CPEB4: variants seen among roughly 807,000 people sequenced by gnomAD.
The protein encoded by CPEB4 is cytoplasmic polyadenylation element-binding protein 4.
Under a neutral mutation model 72.5 loss-of-function variants are expected in CPEB4, and 12 were observed. That is an observed-to-expected ratio of 0.17 (90% CI 0.11 to 0.27). CPEB4 has a LOEUF of 0.27. Among genes scored for constraint, CPEB4 ranks in the 10% least tolerant of loss-of-function variants. CPEB4 has a pLI of 1.00. For missense variants in CPEB4, 614 were observed against 908.5 expected (o/e 0.68, Z 4.17); for synonymous variants, 302 against 326.3 (o/e 0.93, Z 0.80).
intron 1 of CPEB4, among the ~76,000 whole-genome samples, chr5:173,902,708 T>G (rs894708153): frequency 1.3e-5 from 2 of 152,222 alleles, no homozygotes; most frequent in Non-Finnish European, 2.9e-5. Flanking sequence ...CCTTGCAGGT[T>G]TCTAATCATG....
chr5:173,947,717 C>T (rs887747671), intron 5 of CPEB4, among the ~76,000 whole-genome samples: 4 of 152,150 alleles, frequency 2.6e-5, no homozygotes, highest in Middle Eastern at 6.8e-3. Context: ...TGTGTTTGGG[C>T]GTGTATTTCT....
chr5:173,947,899 C>T (rs562258648), intron 5 of CPEB4, among the ~76,000 whole-genome samples: 6 of 152,134 alleles, frequency 3.9e-5, no homozygotes, highest in South Asian at 4.2e-4. Context: ...AAGAATAAGA[C>T]GAGCCCGGAG....
intron 1 of CPEB4, among the ~76,000 whole-genome samples, chr5:173,901,028 A>G (rs1424912851): frequency 3.3e-5 from 5 of 152,204 alleles, no homozygotes; most frequent in Admixed American, 3.3e-4. Context: ...CAAGATTAGT[A>G]TGAACAAATT....
Position 173,956,139 on chromosome 5 carries a change from G to T in CPEB4, c.*2G>T. On this transcript the variant is annotated 3_prime_UTR_variant, in exon 10 of 10. Transcript: ENST00000265085. ...CATATTTCATTCCGCTGGAACTAAA[G>T]GATAACTGCAGTGCTCATTTTCAGG... 1 of 1,612,326 alleles carries T rather than the reference G, an allele frequency of 6.2e-7. No homozygotes were observed.
chr5:173,948,543 A>G (rs1302345515), intron 5 of CPEB4, among the ~76,000 whole-genome samples: 2 of 152,128 alleles, frequency 1.3e-5, no homozygotes, highest in Non-Finnish European at 1.5e-5. Flanking sequence ...ATGGCATTGC[A>G]CCATTATGGT....
intron 2 of CPEB4, among the ~76,000 whole-genome samples, chr5:173,927,887 G>A (rs939071906): frequency 1.3e-5 from 2 of 152,164 alleles, no homozygotes; most frequent in African/African-American, 4.8e-5. Context: ...TCAAAACTTG[G>A]AAAAACCAAG....
In CPEB4 at chr5:173,890,480, A is replaced by G. The variant is rs376518191; in HGVS notation, c.747A>G (p.Gln249=). 1 of 1,611,632 alleles carries G rather than the reference A, an allele frequency of 6.2e-7. No homozygotes were observed. The highest frequency in any genetic ancestry group is 1.3e-5 in the African/African-American group (1 of 74,864). ...ATCATCACAGCCAGCATCAGCAGCA[A>G]AGGAGGTCTCCTGCCAGTCCCCATC... The part of the protein sequence containing the change: ...FQHHHSQHQQ[Q]RRSPASPHPP... Residue 249 remains glutamine (Q), a synonymous_variant, in exon 1 of 10, where the codon CAA becomes CAG. Transcript: ENST00000265085.
intron 1 of CPEB4, among the ~76,000 whole-genome samples, chr5:173,896,377 C>G (rs540089125): frequency 6.6e-6 from 1 of 152,242 alleles, no homozygotes; most frequent in East Asian, 1.9e-4. Flanking sequence ...TTTTAAAATT[C>G]AAATTTATTG....
intron 5 of CPEB4, among the ~76,000 whole-genome samples, chr5:173,947,612 A>T (rs144247237): frequency 1.3e-5 from 2 of 152,284 alleles, no homozygotes; most frequent in East Asian, 3.9e-4. Context: ...GAAGGCTAGA[A>T]AAACCCATGA....
Position 173,888,423 on chromosome 5 carries a change from G to GGCGGCGGCGGCA in CPEB4, c.-1303_-1302insGGCAGCGGCGGC. On this transcript the variant is annotated 5_prime_UTR_variant, in exon 1 of 10. Coordinates refer to ENST00000265085, the MANE Select transcript of CPEB4 (RefSeq NM_030627.4). This position sits in a 1 kb window ranked among gnomAD's most constrained non-coding sequence, Gnocchi z 4.3. ...GGCACCGGGAGGCGGTGGCGGCGGCGGCGGCGGCAGCAGCGGCGACAGCAG... is the reference window on the plus strand; with the variant it reads ...GGCACCGGGAGGCGGTGGCGGCGGCGGCGGCGGCGGCAGCGGCGGCAGCAGCGGCGACAGCAG... 1 of 461,050 alleles carries GGCGGCGGCGGCA rather than the reference G, an allele frequency of 2.2e-6. No individual in the cohort carries two copies. The highest frequency in any genetic ancestry group is 3.7e-6 in the Non-Finnish European group (1 of 266,824). The allele number at this position is 461,050 out of a possible 1,614,324, so 28.6% of individuals were successfully genotyped here.
Position 173,958,609 on chromosome 5 carries a change from A to C in CPEB4, c.*2472A>C, listed in dbSNP as rs1331844358. On this transcript the variant is annotated 3_prime_UTR_variant, in exon 10 of 10. Transcript: ENST00000265085. Reference sequence around the variant, plus strand: ...CCCAGCACCAGCTATTGGTGTACCTATAATTTAAGAAATAGTCTATGTAAA... The same window carrying C: ...CCCAGCACCAGCTATTGGTGTACCTCTAATTTAAGAAATAGTCTATGTAAA... The C allele has an allele frequency of 6.5e-6, 1 of 152,744 alleles. No homozygotes were observed. The highest frequency in any genetic ancestry group is 2.4e-5 in the African/African-American group (1 of 41,458). 9.5% of individuals were successfully genotyped at this position (152,744 alleles called of 1,614,324 possible).
chr5:173,941,951 T>C (rs1418710537), intron 3 of CPEB4, among the ~76,000 whole-genome samples: 1 of 152,228 alleles, frequency 6.6e-6, no homozygotes, highest in South Asian at 2.1e-4. Flanking sequence ...CATGCTTCTG[T>C]TCGGCCACCT....
intron 1 of CPEB4, among the ~76,000 whole-genome samples, chr5:173,896,622 G>A (rs1292945518): frequency 6.6e-6 from 1 of 152,142 alleles, no homozygotes; most frequent in African/African-American, 2.4e-5. Context: ...CTCTGAATTT[G>A]AATGTAATTA....
At chr5:173,932,591 G>A in intron 3 of CPEB4, 91 bp downstream of exon 3, 1 of 943,544 alleles carries the variant, frequency 1.1e-6, no homozygotes, top group Non-Finnish European at 1.6e-6. Flanking sequence ...AGTTTGTTCT[G>A]TAATGATAAC....
chr5:173,925,274 A>T (rs1339205339), intron 2 of CPEB4, among the ~76,000 whole-genome samples: 1 of 152,180 alleles, frequency 6.6e-6, no homozygotes, highest in Non-Finnish European at 1.5e-5. Context: ...TTTGTAGCAG[A>T]GAAGGGTTTT....
In CPEB4 at chr5:173,921,278, T is replaced by C. The variant is rs75451989; in HGVS notation, c.1207+10674T>C. Among the ~76,000 whole-genome samples the C allele has an allele frequency of 1.6e-3, 237 of 152,312 alleles. 1 individual carries two copies. The highest frequency in any genetic ancestry group is 2.8e-3 in the Non-Finnish European group (188 of 68,014). ...TATGGAGGAAAGCCTCTCTGAAATA[T>C]TTTGATCAAAGTAGGTCTTAATAGT... On this transcript the variant is annotated intron_variant, in intron 2 of 9. Transcript: ENST00000265085.
At chr5:173,949,914 C>CA (rs755331628) in intron 6 of CPEB4, 46 bp from the exon 7 acceptor site, 152 of 1,350,492 alleles carry the variant, frequency 1.1e-4, no homozygotes, top group Non-Finnish European at 1.5e-4. Flanking sequence ...GAAGAATTAC[C>CA]AAAAAATAGG....
Position 173,889,648 on chromosome 5 carries a change from A to G in CPEB4, c.-86A>G. On this transcript the variant is annotated 5_prime_UTR_variant, in exon 1 of 10. Transcript: ENST00000265085. ...GACATTTCAAGCAAGCAAGCAAACAACTTAAATTTGGGGTAGAGGAAAAAA... is the reference window on the plus strand; with the variant it reads ...GACATTTCAAGCAAGCAAGCAAACAGCTTAAATTTGGGGTAGAGGAAAAAA... The G allele has an allele frequency of 1.3e-5, 15 of 1,160,318 alleles. No individual in the cohort carries two copies. The highest frequency in any genetic ancestry group is 1.8e-5 in the Non-Finnish European group (15 of 813,730). 71.9% of individuals were successfully genotyped at this position (1,160,318 alleles called of 1,614,324 possible).
Position 173,941,306 on chromosome 5 carries a change from C to T in CPEB4, c.1259-1720C>T, listed in dbSNP as rs531255973. 3.3e-5 allele frequency among the ~76,000 whole-genome samples: 5 copies of T among 152,282 alleles called. No individual in the cohort carries two copies. The South Asian group carries it at 1.0e-3, about 32-fold the overall frequency. ...GTCTGATTAAGTCAGAAAATACCTA[C>T]CCCTCCCCAACCCCCTAAACTTAAG... On this transcript the variant is annotated intron_variant, in intron 3 of 9. Coordinates refer to ENST00000265085, the MANE Select transcript of CPEB4 (RefSeq NM_030627.4).
Sources: gnomAD v4.1 joint callset for allele counts (sites outside exome capture counted in the v4.1 genomes callset) on GRCh38, gnomAD v4.1.1 for gene constraint, Gnocchi (gnomAD v3.1) non-coding constraint, MANE v1.5 for transcripts, NCBI Gene and HGNC (gene_info 2026-07-23, HGNC 2026-07-21) for gene names.